FMN1: variants seen among roughly 807,000 people sequenced by gnomAD.
The protein encoded by FMN1 is formin-1.
FMN1 carries 110 observed loss-of-function variants against 132.4 expected under a neutral mutation model. The ratio of observed to expected loss-of-function variants is 0.83; its 90% confidence interval spans 0.71 to 0.97. The LOEUF (loss-of-function observed/expected upper bound fraction) is 0.97, where lower values mean the gene tolerates loss of function less well. Ranked by LOEUF, FMN1 falls within the 50% of genes least tolerant of loss-of-function variation. The pLI is 0.00. For synonymous variants in FMN1, 722 were observed against 651.7 expected (o/e 1.11, Z -1.64); for missense variants, 1,792 against 1,705.3 (o/e 1.05, Z -0.90).
intron 16 of FMN1, among the ~76,000 whole-genome samples, chr15:32,867,543 A>C (rs1596127225): frequency 1.3e-5 from 2 of 149,222 alleles, no homozygotes. Context: ...TCGCTCTTTC[A>C]CCCAGGCTGG....
At chr15:33,126,222 A>T (rs537715316) in intron 4 of FMN1, among the ~76,000 whole-genome samples, 23 of 151,394 alleles carry the variant, frequency 1.5e-4, no homozygotes, top group Middle Eastern at 3.4e-3. Flanking sequence ...AAAGACAGAG[A>T]GTTTTCCTAG....
intron 4 of FMN1, among the ~76,000 whole-genome samples, chr15:33,102,072 T>C (rs542658323): frequency 6.6e-6 from 1 of 152,110 alleles, no homozygotes; most frequent in Non-Finnish European, 1.5e-5. Flanking sequence ...ATCTCCCCTT[T>C]TCTATTCTTT....
At chr15:32,949,701 A>C (rs1202002846) in intron 9 of FMN1, among the ~76,000 whole-genome samples, 1 of 151,844 alleles carries the variant, frequency 6.6e-6, no homozygotes, top group Non-Finnish European at 1.5e-5. Context: ...AAAAATTAAC[A>C]AACGGGATGT....
rs972634202 is a variant in FMN1, at chr15:32,783,155, C to CA, written c.4131-6237dup. Among the ~76,000 whole-genome samples, 470 of 147,796 alleles carry CA rather than the reference C, an allele frequency of 3.2e-3. 3 individuals are homozygous for CA. Among genetic ancestry groups the CA allele is most frequent in the African/African-American group, 8.8e-3 (354 of 40,192 alleles). ...CATGTACCTCCTGAATTGATAAAAA[C>CA]AAAAAAAAATAAAGGTTATATGGCA... On this transcript the variant is annotated intron_variant, in intron 19 of 20. Coordinates refer to ENST00000616417, the MANE Select transcript of FMN1 (RefSeq NM_001277313.2).
chr15:33,014,848 A>T (rs1276925276), intron 6 of FMN1, among the ~76,000 whole-genome samples: 2 of 152,228 alleles, frequency 1.3e-5, no homozygotes, highest in African/African-American at 4.8e-5. Flanking sequence ...ACAAACACAG[A>T]AGGCATGCAG....
chr15:33,177,840 A>G (rs1965566444), intron 3 of FMN1, among the ~76,000 whole-genome samples: 1 of 151,156 alleles, frequency 6.6e-6, no homozygotes, highest in African/African-American at 2.4e-5. Context: ...CCCTGTCTCT[A>G]TTAAAAATAC....
intron 18 of FMN1, among the ~76,000 whole-genome samples, chr15:32,802,782 T>G (rs1208452248): frequency 6.6e-6 from 1 of 152,210 alleles, no homozygotes; most frequent in Non-Finnish European, 1.5e-5. Flanking sequence ...GATAATCTCT[T>G]ATGTGCTGGA....
chr15:32,949,623 A>T (rs931450707), intron 9 of FMN1, among the ~76,000 whole-genome samples: 46 of 152,074 alleles, frequency 3.0e-4, no homozygotes, highest in African/African-American at 1.0e-3. Flanking sequence ...CCTAGGCAAT[A>T]CCATTCAGGA....
intron 2 of FMN1, among the ~76,000 whole-genome samples, chr15:33,181,661 C>T (rs28564021): frequency 0.048 from 7,309 of 150,966 alleles, 300 homozygotes; most frequent in East Asian, 0.12. Flanking sequence ...TTTTGCATTG[C>T]GGAGAGACAA....
intron 6 of FMN1, among the ~76,000 whole-genome samples, chr15:33,035,821 G>T (rs2036164706): frequency 6.6e-6 from 1 of 152,150 alleles, no homozygotes; most frequent in African/African-American, 2.4e-5. Flanking sequence ...GCAATATTTT[G>T]AGAGGCAGGG....
intron 4 of FMN1, among the ~76,000 whole-genome samples, chr15:33,128,554 T>A (rs138800767): frequency 2.8e-3 from 426 of 152,242 alleles, no homozygotes; most frequent in Middle Eastern, 0.014. Context: ...ACATACCGAG[T>A]CCGGAGTTTC....
At chr15:33,127,576 CTG>C (rs1407463695) in intron 4 of FMN1, among the ~76,000 whole-genome samples, 1 of 152,220 alleles carries the variant, frequency 6.6e-6, no homozygotes, top group Non-Finnish European at 1.5e-5. Context: ...AGAAACCAGT[CTG>C]TAAGCATCCT....
In FMN1 at chr15:32,770,175, G is replaced by A. The variant is rs1036031325; in HGVS notation, c.*4135C>T. The A allele has an allele frequency of 1.3e-5, 2 of 152,096 alleles. No individual in the cohort carries two copies. The highest frequency in any genetic ancestry group is 4.8e-5 in the African/African-American group (2 of 41,428). The allele number at this position is 152,096 out of a possible 1,614,324, so 9.4% of individuals were successfully genotyped here. On this transcript the variant is annotated 3_prime_UTR_variant, in exon 21 of 21. Coordinates refer to ENST00000616417, the MANE Select transcript of FMN1 (RefSeq NM_001277313.2). The stretch of plus-strand genomic sequence containing the variant: ...AAATTGACCAATTTAGTATGTCAGG[G>A]AATGAAGAGGTTCCCCGGTCAATGT...
chr15:33,128,641 G>A lies in FMN1; in HGVS notation c.1867+24407C>T, dbSNP rs76324235. ...TGCGGCAAGTGTTACAGCTCTTAAA[G>A]ACGGTGCGTCCGGATGCTCCGGTGA... On this transcript the variant is annotated intron_variant, in intron 4 of 20. Coordinates refer to ENST00000616417, the MANE Select transcript of FMN1 (RefSeq NM_001277313.2). Among the ~76,000 whole-genome samples, 476 of 152,308 alleles carry A rather than the reference G, an allele frequency of 3.1e-3. 2 individuals are homozygous for A. The highest frequency in any genetic ancestry group is 0.011 in the African/African-American group (454 of 41,568).
chr15:33,191,660 G>C (rs1038548781), intron 2 of FMN1, among the ~76,000 whole-genome samples: 4 of 152,164 alleles, frequency 2.6e-5, no homozygotes, highest in African/African-American at 9.7e-5. Context: ...GCTTTTATGC[G>C]CTGACAAGGT....
chr15:33,189,314 C>G (rs1257523025), intron 2 of FMN1, among the ~76,000 whole-genome samples: 3 of 152,164 alleles, frequency 2.0e-5, no homozygotes, highest in Non-Finnish European at 4.4e-5. Flanking sequence ...AAGGACAGGA[C>G]TGATGCCAAT....
chr15:33,176,634 C>T (rs929727072), intron 3 of FMN1, among the ~76,000 whole-genome samples: 3 of 151,516 alleles, frequency 2.0e-5, no homozygotes, highest in East Asian at 1.9e-4. Flanking sequence ...TATTTCCTTT[C>T]TTCTCACTTG....
At chr15:33,029,461 G>C (rs1033569972) in intron 6 of FMN1, among the ~76,000 whole-genome samples, 3 of 152,126 alleles carry the variant, frequency 2.0e-5, no homozygotes, top group African/African-American at 7.2e-5. Flanking sequence ...GTCGCGTGTA[G>C]ACTAGGAACA....
At chr15:33,044,579 G>A (rs73376628) in intron 6 of FMN1, among the ~76,000 whole-genome samples, 1,571 of 152,228 alleles carry the variant, frequency 0.01, 18 homozygotes, top group African/African-American at 0.036. Context: ...ACCTGCCTGC[G>A]GAGAGGAACT....
Sources: gnomAD v4.1 joint callset for allele counts (sites outside exome capture counted in the v4.1 genomes callset) on GRCh38, gnomAD v4.1.1 for gene constraint, MANE v1.5 for transcripts, NCBI Gene and HGNC (gene_info 2026-07-23, HGNC 2026-07-21) for gene names.